The following NPIPB15 variants were observed in gnomAD, a reference collection of about 807,000 sequenced individuals.
NPIPB15 encodes nuclear pore complex interacting protein family member B15.
NPIPB15 carries 5 observed loss-of-function variants against 35.9 expected under a neutral mutation model. That is an observed-to-expected ratio of 0.14 (90% CI 0.07 to 0.29). NPIPB15 has a LOEUF of 0.29. Ranked by LOEUF, NPIPB15 falls within the 10% of genes least tolerant of loss-of-function variation. The pLI, the probability that NPIPB15 is intolerant of heterozygous loss-of-function variation, is 1.00. For synonymous variants in NPIPB15, 43 were observed against 182.0 expected (o/e 0.24, Z 6.15); for missense variants, 100 against 506.1 (o/e 0.20, Z 7.70).
At chr16:74,382,075 T>G (rs2012023764) in intron 3 of NPIPB15, among the ~76,000 whole-genome samples, 2 of 56,486 alleles carry the variant, frequency 3.5e-5, no homozygotes, top group Non-Finnish European at 3.2e-5. Flanking sequence ...GAAGATTCAC[T>G]GCAGAAATGA....
intron 2 of NPIPB15, among the ~76,000 whole-genome samples, chr16:74,379,918 G>C (rs1276117221): frequency 8.7e-5 from 13 of 149,524 alleles, no homozygotes; most frequent in African/African-American, 3.0e-4. Context: ...ACTAAAATTT[G>C]ATACTTATTT....
intron 3 of NPIPB15, among the ~76,000 whole-genome samples, chr16:74,382,776 C>T (rs1266970892): frequency 1.1e-4 from 17 of 152,282 alleles, no homozygotes; most frequent in African/African-American, 3.8e-4. Context: ...AATTACAAGT[C>T]ATTTGGCACT....
chr16:74,386,141 C>T (rs1287681347), intron 5 of NPIPB15, among the ~76,000 whole-genome samples: 2,243 of 97,886 alleles, frequency 0.023, no homozygotes, highest in Non-Finnish European at 0.031. Context: ...CCCACCACCA[C>T]GCCCAGCTAA....
chr16:74,379,204 C>A (rs1234030943), intron 2 of NPIPB15, among the ~76,000 whole-genome samples: 1 of 152,204 alleles, frequency 6.6e-6, no homozygotes, highest in Non-Finnish European at 1.5e-5. Flanking sequence ...TTCGCGTATA[C>A]AGATGCATGC....
chr16:74,379,834 C>T, intron 2 of NPIPB15, among the ~76,000 whole-genome samples: 1 of 151,994 alleles, frequency 6.6e-6, no homozygotes, highest in Non-Finnish European at 1.5e-5. Context: ...GTGGTCCACC[C>T]ACCTCGGCTT....
intron 5 of NPIPB15, among the ~76,000 whole-genome samples, chr16:74,389,323 G>A (rs1363401646): frequency 6.6e-6 from 1 of 151,076 alleles, no homozygotes; most frequent in Non-Finnish European, 1.5e-5. Flanking sequence ...GTAAGCAAGA[G>A]GAGGAATCAA....
rs1440275890 is a variant in NPIPB15, at chr16:74,384,704, G to C, written c.250-638G>C. 1.2e-4 allele frequency among the ~76,000 whole-genome samples: 6 copies of C among 48,300 alleles called. No individual in the cohort carries two copies. The East Asian group carries it at 5.7e-3, about 46-fold the overall frequency. 31.7% of individuals were successfully genotyped at this position (48,300 alleles called of 152,430 possible). On this transcript the variant is annotated intron_variant, in intron 3 of 7. Coordinates refer to ENST00000692376, the MANE Select transcript of NPIPB15 (RefSeq NM_001306094.2). ...TTTTTTTTTTTTTTTTTTTGAGACA[G>C]AGTTTCAATTTTGTTGCCCAGGTTT...
chr16:74,383,057 G>C (rs1446586616), intron 3 of NPIPB15, among the ~76,000 whole-genome samples: 54 of 141,252 alleles, frequency 3.8e-4, no homozygotes, highest in Non-Finnish European at 7.2e-4. Flanking sequence ...CAAGTAGCTG[G>C]GATTACAGGT....
In NPIPB15 at chr16:74,381,549, G is replaced by A. The variant is rs1269299929; in HGVS notation, c.100G>A (p.Glu34Lys). The A allele has an allele frequency of 1.3e-6, 2 of 1,590,488 alleles. No homozygotes were observed. Among genetic ancestry groups the A allele is most frequent in the Admixed American group, 3.4e-5 (2 of 58,656 alleles). The stretch of plus-strand genomic sequence containing the variant: ...TAGTCTGGCTGTCTATCGTCATCGT[G>A]AGACTGACTTTGGTGTAGGAGTTCG... ...INSLAVYRHRETDFGVGVRDH... is the reference protein window; with the variant it reads ...INSLAVYRHRKTDFGVGVRDH... Residue 34 changes from glutamate (E) to lysine (K), a missense_variant, in exon 3 of 8, where the codon GAG becomes AAG. Coordinates refer to ENST00000692376, the MANE Select transcript of NPIPB15 (RefSeq NM_001306094.2).
intron 5 of NPIPB15, among the ~76,000 whole-genome samples, chr16:74,386,457 ATTT>A: frequency 1.5e-5 from 1 of 66,294 alleles, no homozygotes; most frequent in South Asian, 5.3e-4. Flanking sequence ...CATTCGGCCA[ATTT>A]TTTTTTTTTT....
At chr16:74,378,648 G>A (rs1460536020) in intron 2 of NPIPB15, among the ~76,000 whole-genome samples, 2 of 149,914 alleles carry the variant, frequency 1.3e-5, no homozygotes, top group Non-Finnish European at 3.0e-5. Context: ...TCTTGACCTC[G>A]TGATCCGCCT....
chr16:74,388,745 A>G (rs2142691937), intron 5 of NPIPB15: 1 of 963,908 alleles, frequency 1.0e-6, no homozygotes. Flanking sequence ...AGCACACAGA[A>G]AAGGAGAGGC....
At chr16:74,389,316 A>G (rs993382331) in intron 5 of NPIPB15, among the ~76,000 whole-genome samples, 1 of 151,126 alleles carries the variant, frequency 6.6e-6, no homozygotes, top group African/African-American at 2.4e-5. Context: ...GCAGGCAGTA[A>G]GCAAGAGGAG....
chr16:74,384,826 CAT>C (rs1396210882), intron 3 of NPIPB15, among the ~76,000 whole-genome samples: 2 of 151,890 alleles, frequency 1.3e-5, no homozygotes, highest in Admixed American at 6.6e-5. Flanking sequence ...GGATTACAGG[CAT>C]GCACCACCAT....
intron 2 of NPIPB15, among the ~76,000 whole-genome samples, chr16:74,379,890 C>A (rs1372870083): frequency 1.1e-4 from 16 of 151,974 alleles, no homozygotes; most frequent in African/African-American, 3.4e-4. Flanking sequence ...ACCCGGCCCA[C>A]CTTGTTAATT....
chr16:74,391,434 C>A lies in NPIPB15; in HGVS notation c.686C>A (p.Pro229His). The change falls in exon 8 of 8, where the codon CCC becomes CAC. Residue 229 changes from proline to histidine, a missense_variant. By Grantham distance (77) the Pro-to-His change is moderately conservative. Coordinates refer to ENST00000692376, the MANE Select transcript of NPIPB15 (RefSeq NM_001306094.2). ...GAGCATCGTCATTCTTCAGGATTGCCCTGCTGGCCCTACCTCACAGCTGAA... is the reference window on the plus strand; with the variant it reads ...GAGCATCGTCATTCTTCAGGATTGCACTGCTGGCCCTACCTCACAGCTGAA... ...AAEHRHSSGL[P>H]CWPYLTAEAL... 6.2e-7 allele frequency: 1 copy of A among 1,610,510 alleles called. No individual in the cohort carries two copies. The highest frequency in any genetic ancestry group is 8.5e-7 in the Non-Finnish European group (1 of 1,179,858).
chr16:74,377,529 C>T (rs998956986), intron 1 of NPIPB15, among the ~76,000 whole-genome samples, 183 bp downstream of exon 1: 2 of 152,128 alleles, frequency 1.3e-5, no homozygotes, highest in African/African-American at 4.8e-5. Flanking sequence ...AGGGCCCAGA[C>T]CGAAGAAGGT....
intron 2 of NPIPB15, 63 bp from the exon 3 acceptor site, chr16:74,381,453 T>C (rs2011983656): frequency 1.9e-6 from 3 of 1,539,524 alleles, no homozygotes; most frequent in South Asian, 2.3e-5. Flanking sequence ...AGGATGATTC[T>C]TTCTGAGTGA....
intron 1 of NPIPB15, among the ~76,000 whole-genome samples, chr16:74,377,672 CTT>C (rs1429896080): frequency 1.3e-5 from 2 of 151,818 alleles, no homozygotes; most frequent in African/African-American, 2.4e-5. Flanking sequence ...CGCTTGAGAA[CTT>C]AATTTGAACC....
Sources: allele counts gnomAD v4.1 joint callset (sites outside exome capture counted in the v4.1 genomes callset), GRCh38; gene constraint gnomAD v4.1.1; transcripts MANE v1.5; gene names NCBI Gene and HGNC (gene_info 2026-07-23, HGNC 2026-07-21).